The following COL4A1 variants were observed in gnomAD, a reference collection of about 807,000 sequenced individuals.
COL4A1 encodes collagen alpha-1(IV) chain.
COL4A1 carries 40 observed loss-of-function variants against 216.6 expected under a neutral mutation model. The ratio of observed to expected loss-of-function variants is 0.18; its 90% confidence interval spans 0.14 to 0.24. The LOEUF is 0.24. Ranked by LOEUF, COL4A1 falls within the 10% of genes least tolerant of loss-of-function variation. The pLI, the probability that COL4A1 is intolerant of heterozygous loss-of-function variation, is 1.00. For synonymous variants in COL4A1, 839 were observed against 810.7 expected (o/e 1.03, Z -0.59); for missense variants, 1,628 against 2,196.8 (o/e 0.74, Z 5.18).
At chr13:110,199,072 T>C (rs757877065) in intron 20 of COL4A1, among the ~76,000 whole-genome samples, 5 of 152,140 alleles carry the variant, frequency 3.3e-5, no homozygotes, top group Non-Finnish European at 5.9e-5. Context: ...ACACACAAGA[T>C]GGTTCTGTAA....
chr13:110,176,730 C>T lies in COL4A1; in HGVS notation c.2870-6G>A, dbSNP rs759104460. 4 of 1,613,970 alleles carry T rather than the reference C, an allele frequency of 2.5e-6. No individual in the cohort carries two copies. In the African/African-American group the frequency reaches 4.0e-5, roughly 16 times the overall value. On this transcript the variant is annotated splice_region_variant and splice_polypyrimidine_tract_variant and intron_variant, in intron 34 of 51. Transcript: ENST00000375820. ...ACCAATTGGTCCAATTTGTCCTACA[C>T]ATCAGAGAAGAAAATAGCAATGACC...
At chr13:110,301,721 T>C (rs991007022) in intron 1 of COL4A1, among the ~76,000 whole-genome samples, 1 of 152,180 alleles carries the variant, frequency 6.6e-6, no homozygotes, top group Admixed American at 6.5e-5. Flanking sequence ...GAGAGGACAC[T>C]GCAGGCCGGG....
intron 1 of COL4A1, among the ~76,000 whole-genome samples, chr13:110,287,165 T>G (rs1594117694): frequency 6.6e-6 from 1 of 152,210 alleles, no homozygotes; most frequent in African/African-American, 2.4e-5. Context: ...GCACTGGACA[T>G]GCAGAGACGC....
At chr13:110,264,731 C>G (rs138053574) in intron 1 of COL4A1, among the ~76,000 whole-genome samples, 1 of 152,158 alleles carries the variant, frequency 6.6e-6, no homozygotes, top group East Asian at 1.9e-4. Context: ...TCTCCTCCTT[C>G]CCCGTCTCTT....
At chr13:110,230,620 G>A (rs867747934) in intron 2 of COL4A1, among the ~76,000 whole-genome samples, 38 of 152,046 alleles carry the variant, frequency 2.5e-4, no homozygotes, top group African/African-American at 8.2e-4. Flanking sequence ...CTGCACCTCC[G>A]GCCCCCACCA....
chr13:110,198,396 C>T (rs1879005021), intron 21 of COL4A1, 71 bp downstream of exon 21: 11 of 1,584,888 alleles, frequency 6.9e-6, no homozygotes, highest in Non-Finnish European at 9.5e-6. Context: ...ATCACAGCCC[C>T]CAACCTGGGT....
At chr13:110,237,153 C>T (rs111779707) in intron 2 of COL4A1, among the ~76,000 whole-genome samples, 1,949 of 152,238 alleles carry the variant, frequency 0.013, 43 homozygotes, top group African/African-American at 0.045. Flanking sequence ...TGGCCTGGGG[C>T]GCAGTGGGTC....
intron 41 of COL4A1, 101 bp from the exon 42 acceptor site, chr13:110,170,833 A>G (rs1484753244): frequency 7.8e-7 from 1 of 1,284,894 alleles, no homozygotes; most frequent in Non-Finnish European, 1.1e-6. Context: ...CTCATCCTGT[A>G]GGTACCGCTC....
In COL4A1 at chr13:110,173,053, C is replaced by T. The variant is rs369144702; in HGVS notation, c.3506-283G>A. On this transcript the variant is annotated intron_variant, in intron 40 of 51. Coordinates refer to ENST00000375820, the MANE Select transcript of COL4A1 (RefSeq NM_001845.6). ...CAAATGAGTATTTGTTTCCTGCTGCCGTCTGGAGATAAGCAAATGGGATTC... is the reference window on the plus strand; with the variant it reads ...CAAATGAGTATTTGTTTCCTGCTGCTGTCTGGAGATAAGCAAATGGGATTC... Among the ~76,000 whole-genome samples the T allele has an allele frequency of 5.9e-5, 9 of 152,210 alleles. No individual in the cohort carries two copies. The East Asian group carries it at 1.2e-3, about 20-fold the overall frequency.
chr13:110,253,256 A>AC, intron 1 of COL4A1, among the ~76,000 whole-genome samples: 1 of 139,408 alleles, frequency 7.2e-6, no homozygotes, highest in African/African-American at 2.6e-5. Flanking sequence ...TATACATATA[A>AC]TTAGGTATAT....
intron 29 of COL4A1, among the ~76,000 whole-genome samples, chr13:110,180,988 T>C (rs529941419): frequency 6.6e-6 from 1 of 152,348 alleles, no homozygotes; most frequent in Non-Finnish European, 1.5e-5. Context: ...ACAGCCTTCA[T>C]CTGCTTCTCA....
chr13:110,222,490 C>CCTAAATATTCATTGTAGT (rs1555308292), intron 2 of COL4A1, among the ~76,000 whole-genome samples: 1 of 151,302 alleles, frequency 6.6e-6, no homozygotes, highest in Admixed American at 6.6e-5. Context: ...AAGGCTTTTT[C>CCTAAATATTCATTGTAGT]AGGCCGGGCG....
rs1409017291 is a variant in COL4A1, at chr13:110,288,514, C to T, written c.84+18430G>A. Among the ~76,000 whole-genome samples the T allele has an allele frequency of 4.9e-4, 74 of 152,080 alleles. 1 individual carries two copies. The highest frequency in any genetic ancestry group is 5.9e-5 in the Non-Finnish European group (4 of 68,022). On this transcript the variant is annotated intron_variant, in intron 1 of 51. Coordinates refer to ENST00000375820, the MANE Select transcript of COL4A1 (RefSeq NM_001845.6). ...GGGTAGAGCAACTGACAGAATTGTT[C>T]CCACTTCACTATATCTATTTTTATT...
chr13:110,237,661 C>T (rs144549495), intron 2 of COL4A1, among the ~76,000 whole-genome samples: 1 of 152,340 alleles, frequency 6.6e-6, no homozygotes, highest in Non-Finnish European at 1.5e-5. Context: ...GCCCAAGATA[C>T]AGTCTCTTTC....
chr13:110,204,588 AAAAT>A (rs57321245), intron 17 of COL4A1, among the ~76,000 whole-genome samples: 33,531 of 151,550 alleles, frequency 0.22, 4,264 homozygotes, highest in Admixed American at 0.31. Flanking sequence ...TTAAGAGAGA[AAAAT>A]AAAGCAATAA....
intron 49 of COL4A1, among the ~76,000 whole-genome samples, chr13:110,160,640 AT>A (rs1415550707): frequency 1.3e-5 from 2 of 152,222 alleles, no homozygotes; most frequent in Non-Finnish European, 2.9e-5. Flanking sequence ...CAGGCAAAAT[AT>A]AAATTATCTC....
intron 8 of COL4A1, among the ~76,000 whole-genome samples, chr13:110,210,653 G>A (rs1049425722): frequency 6.6e-6 from 1 of 152,184 alleles, no homozygotes; most frequent in African/African-American, 2.4e-5. Flanking sequence ...ACTTGGCTAG[G>A]CCACATTATT....
At chr13:110,238,485 G>T (rs1172259026) in intron 2 of COL4A1, among the ~76,000 whole-genome samples, 1 of 152,248 alleles carries the variant, frequency 6.6e-6, no homozygotes, top group Non-Finnish European at 1.5e-5. Context: ...TGGCAAATTA[G>T]TGAGGACATG....
chr13:110,303,807 C>A (rs1022396367), intron 1 of COL4A1, among the ~76,000 whole-genome samples: 2 of 152,182 alleles, frequency 1.3e-5, no homozygotes, highest in African/African-American at 4.8e-5. Context: ...GGGGGTGAGT[C>A]CCTGCCGCAT....
Sources: gnomAD v4.1 joint callset for allele counts (sites outside exome capture counted in the v4.1 genomes callset) on GRCh38, gnomAD v4.1.1 for gene constraint, MANE v1.5 for transcripts, NCBI Gene and HGNC (gene_info 2026-07-23, HGNC 2026-07-21) for gene names.